Variants in FLT1 observed in about 807,000 individuals in gnomAD.
FLT1 encodes fms related receptor tyrosine kinase 1, also known as vascular endothelial growth factor receptor 1.
A neutral mutation model predicts 156.3 loss-of-function variants in FLT1; 49 were observed. That is an observed-to-expected ratio of 0.31 (90% CI 0.25 to 0.40). The LOEUF is 0.40. FLT1 is among the 10% of genes least tolerant of loss of function. The pLI is 1.00. For missense variants in FLT1, 1,322 were observed against 1,637.2 expected (o/e 0.81, Z 3.32); for synonymous variants, 594 against 583.8 (o/e 1.02, Z -0.25).
chr13:28,401,800 C>T (rs761440033), intron 11 of FLT1, among the ~76,000 whole-genome samples: 1 of 152,286 alleles, frequency 6.6e-6, no homozygotes, highest in South Asian at 2.1e-4. Flanking sequence ...ATTCTTGCTC[C>T]TGTCATGGAT....
In FLT1 at chr13:28,494,922, C is replaced by A; in HGVS notation, c.-79G>T. On this transcript the variant is annotated 5_prime_UTR_variant, in exon 1 of 30. Coordinates refer to ENST00000282397, the MANE Select transcript of FLT1 (RefSeq NM_002019.4). ...ACCCGGCCGCCAGAGTCCGTCCTCT[C>A]GTTCGCCGCCGCCGGCCCCGCGCCC... The A allele has an allele frequency of 8.6e-7, 1 of 1,167,562 alleles. No homozygotes were observed. The allele number at this position is 1,167,562 out of a possible 1,614,324, so 72.3% of individuals were successfully genotyped here.
intron 29 of FLT1, among the ~76,000 whole-genome samples, chr13:28,306,286 A>C (rs114392680): frequency 0.015 from 2,326 of 152,242 alleles, 50 homozygotes; most frequent in African/African-American, 0.054. Context: ...GCCCCGGAAA[A>C]CAGTACTGTG....
chr13:28,402,842 T>G (rs183903475), intron 11 of FLT1, among the ~76,000 whole-genome samples: 99 of 152,282 alleles, frequency 6.5e-4, no homozygotes, highest in African/African-American at 2.4e-3. Context: ...CAGGCTGGAG[T>G]GCAGTGGCAC....
rs763915530 is a variant in FLT1 at position 28,384,906 on chromosome 13, G to C, written c.2095C>G (p.His699Asp). Residue 699 changes from histidine to aspartate, a missense_variant, in exon 14 of 30, where the codon CAC becomes GAC. Physicochemically the swap from His to Asp is moderately conservative, Grantham distance 81 (BLOSUM62 -1). This residue lies in a region of FLT1 where 991 missense variants were observed against 1,254.8 expected (regional missense o/e 0.79). Coordinates refer to ENST00000282397, the MANE Select transcript of FLT1 (RefSeq NM_002019.4). Reference sequence around the variant, plus strand: ...TTACCAGGCTCTTGTTGTATTTTGTGGTTGTTTTTAAACCAAGTGATCTGA... The same window carrying C: ...TTACCAGGCTCTTGTTGTATTTTGTCGTTGTTTTTAAACCAAGTGATCTGA... Reference protein sequence around the residue: ...EPQITWFKNNHKIQQEPGIIL... With the variant: ...EPQITWFKNNDKIQQEPGIIL... 6.2e-7 allele frequency: 1 copy of C among 1,614,106 alleles called. No individual in the cohort carries two copies. Among genetic ancestry groups the C allele is most frequent in the Non-Finnish European group, 8.5e-7 (1 of 1,179,972 alleles).
rs1224354415 is a variant in FLT1, at chr13:28,327,540, C to G, written c.2718G>C (p.Met906Ile). ...GACTKQGGPL[M>I]VIVEYCKYGN... The stretch of plus-strand genomic sequence containing the variant: ...CATATTTGCAGTATTCAACAATCAC[C>G]ATCAGAGGCCCTGCAGCCAAAACAG... The change falls in exon 20 of 30, where the codon ATG (methionine) becomes ATC (isoleucine). Residue 906 changes from methionine (M) to isoleucine (I), a missense_variant. By Grantham distance (10) the Met-to-Ile change is conservative. Around this residue, in one of 3 missense-constraint regions of FLT1, gnomAD observed 991 missense variants for 1,254.8 expected, o/e 0.79. Coordinates refer to ENST00000282397, the MANE Select transcript of FLT1 (RefSeq NM_002019.4). 1 of 1,611,710 alleles carries G rather than the reference C, an allele frequency of 6.2e-7. No individual in the cohort carries two copies. The highest frequency in any genetic ancestry group is 2.2e-5 in the East Asian group (1 of 44,882).
At position 28,301,077 on chromosome 13, in the gene FLT1, G is replaced by T. The variant is rs767243891; in HGVS notation, c.*2090C>A. 5 of 231,696 alleles carry T rather than the reference G, an allele frequency of 2.2e-5. No homozygotes were observed. Among genetic ancestry groups the T allele is most frequent in the Non-Finnish European group, 2.6e-5 (3 of 117,520 alleles). 14.4% of individuals were successfully genotyped at this position (231,696 alleles called of 1,614,324 possible). A position where few individuals can be genotyped will look rare whatever the true frequency, so the allele number is the denominator to read the frequency against. On this transcript the variant is annotated 3_prime_UTR_variant, in exon 30 of 30. Transcript: ENST00000282397. ...CTCTTGAAAAGGAGTATTTATTATG[G>T]TCTCTTAATGATTAAGAATTAATTA...
intron 29 of FLT1, among the ~76,000 whole-genome samples, chr13:28,305,415 G>A (rs760526120): frequency 6.6e-6 from 1 of 151,944 alleles, no homozygotes; most frequent in Non-Finnish European, 1.5e-5. Context: ...AGTAGAGAAA[G>A]GGTTTTGCCA....
chr13:28,452,121 G>A (rs938799346), intron 3 of FLT1, among the ~76,000 whole-genome samples: 1 of 152,180 alleles, frequency 6.6e-6, no homozygotes, highest in Non-Finnish European at 1.5e-5. Context: ...GCTGAATCCA[G>A]CCTGCATACT....
At chr13:28,369,349 A>C (rs1406676432) in intron 14 of FLT1, among the ~76,000 whole-genome samples, 1 of 152,064 alleles carries the variant, frequency 6.6e-6, no homozygotes, top group East Asian at 1.9e-4. Context: ...ACATGGTGAA[A>C]CTCTGTCTCT....
At chr13:28,379,364 A>T (rs939665154) in intron 14 of FLT1, among the ~76,000 whole-genome samples, 2 of 152,176 alleles carry the variant, frequency 1.3e-5, no homozygotes, top group African/African-American at 2.4e-5. Context: ...AAAAAGCATT[A>T]GTGGGAGGAG....
intron 25 of FLT1, among the ~76,000 whole-genome samples, chr13:28,315,497 A>G (rs1235174216): frequency 6.6e-6 from 1 of 152,236 alleles, no homozygotes; most frequent in Non-Finnish European, 1.5e-5. Context: ...TGGAGGTTGC[A>G]GTGAGCTGAG....
At chr13:28,364,195 T>C (rs529169233) in intron 14 of FLT1, among the ~76,000 whole-genome samples, 4 of 152,312 alleles carry the variant, frequency 2.6e-5, no homozygotes, top group African/African-American at 7.2e-5. Flanking sequence ...ATTTCACTTA[T>C]GGTAAATTTT....
chr13:28,435,103 G>A (rs770529541), intron 4 of FLT1, among the ~76,000 whole-genome samples: 6 of 152,142 alleles, frequency 3.9e-5, no homozygotes, highest in Non-Finnish European at 8.8e-5. Context: ...TCATTCTGAC[G>A]ATCCTGCTGT....
chr13:28,332,419 T>C (rs1315606394), intron 18 of FLT1, among the ~76,000 whole-genome samples: 1 of 151,928 alleles, frequency 6.6e-6, no homozygotes, highest in Non-Finnish European at 1.5e-5. Flanking sequence ...TAGAGGACAA[T>C]GTGTGGCAGC....
At chr13:28,388,984 C>A (rs1874535526) in intron 13 of FLT1, 2 of 1,064,898 alleles carry the variant, frequency 1.9e-6, no homozygotes, top group Non-Finnish European at 1.1e-6. Flanking sequence ...GCACTAACTG[C>A]ATAATTACCT....
chr13:28,423,168 C>T (rs1044858759), intron 10 of FLT1, among the ~76,000 whole-genome samples: 1 of 152,134 alleles, frequency 6.6e-6, no homozygotes, highest in Non-Finnish European at 1.5e-5. Context: ...TCAGCTCCCC[C>T]ACATGCCCAG....
At chr13:28,375,843 C>G (rs1289260565) in intron 14 of FLT1, among the ~76,000 whole-genome samples, 2 of 152,230 alleles carry the variant, frequency 1.3e-5, no homozygotes, top group Non-Finnish European at 2.9e-5. Flanking sequence ...CATTTCTTTT[C>G]TGCAATAATA....
chr13:28,345,359 A>G (rs1872525289), intron 16 of FLT1, 86 bp downstream of exon 16: 3 of 788,454 alleles, frequency 3.8e-6, no homozygotes, highest in African/African-American at 3.4e-5. Context: ...AAGAGGGTCC[A>G]ACATTTGTTT....
chr13:28,433,634 T>C (rs1231834077), intron 6 of FLT1, among the ~76,000 whole-genome samples, 185 bp downstream of exon 6: 2 of 152,164 alleles, frequency 1.3e-5, no homozygotes, highest in African/African-American at 4.8e-5. Flanking sequence ...AGACAGTATC[T>C]ATGCATATCA....
Sources: gnomAD v4.1 joint callset for allele counts (sites outside exome capture counted in the v4.1 genomes callset) on GRCh38, gnomAD v4.1.1 for gene constraint, gnomAD v4.1.1 regional missense constraint, MANE v1.5 for transcripts, NCBI Gene and HGNC (gene_info 2026-07-23, HGNC 2026-07-21) for gene names.